NDST3: variants seen among roughly 807,000 people sequenced by gnomAD.
The protein encoded by NDST3 is N-deacetylase and N-sulfotransferase 3, also known as bifunctional heparan sulfate N-deacetylase/N-sulfotransferase 3.
In NDST3, 58 loss-of-function variants were observed where a neutral mutation model predicts 96.1. That is an observed-to-expected ratio of 0.60 (90% confidence interval 0.49 to 0.75). The LOEUF is 0.75. NDST3 is among the 30% of genes least tolerant of loss of function. NDST3 has a pLI of 0.00. For missense variants in NDST3, 788 were observed against 1,034.2 expected (o/e 0.76, Z 3.27); for synonymous variants, 333 against 359.7 (o/e 0.93, Z 0.84).
At chr4:118,095,701 A>G (rs767008091) in intron 2 of NDST3, among the ~76,000 whole-genome samples, 103 of 151,564 alleles carry the variant, frequency 6.8e-4, no homozygotes, top group Admixed American at 3.0e-3. Flanking sequence ...ATCACCCCAA[A>G]AGGAACCCAT....
chr4:118,175,287 TTTC>T (rs1236931536), intron 6 of NDST3, among the ~76,000 whole-genome samples: 1 of 152,144 alleles, frequency 6.6e-6, no homozygotes. Context: ...TTTCTTCTGA[TTTC>T]TTCTTTTCTC....
chr4:118,237,486 A>T (rs71608356), intron 10 of NDST3, among the ~76,000 whole-genome samples: 9,276 of 152,236 alleles, frequency 0.061, 382 homozygotes, highest in Non-Finnish European at 0.092. Flanking sequence ...ATAACAAAAT[A>T]TTATGTACTT....
intron 4 of NDST3, among the ~76,000 whole-genome samples, chr4:118,115,327 A>G (rs1403440132): frequency 6.6e-6 from 1 of 152,236 alleles, no homozygotes; most frequent in Non-Finnish European, 1.5e-5. Flanking sequence ...AGACCTAATG[A>G]CAAACCTTAC....
chr4:118,163,563 G>C (rs1340727049), intron 6 of NDST3, among the ~76,000 whole-genome samples: 2 of 151,976 alleles, frequency 1.3e-5, no homozygotes, highest in Admixed American at 1.3e-4. Flanking sequence ...AGAACACATG[G>C]ACACAGGAAG....
At chr4:118,071,272 T>C (rs187671947) in intron 2 of NDST3, among the ~76,000 whole-genome samples, 1 of 152,206 alleles carries the variant, frequency 6.6e-6, no homozygotes, top group East Asian at 1.9e-4. Flanking sequence ...TTATAACTTT[T>C]ATTTCAGCTT....
chr4:118,208,251 GAGT>G (rs1738573247), intron 6 of NDST3, among the ~76,000 whole-genome samples: 1 of 144,186 alleles, frequency 6.9e-6, no homozygotes, highest in Non-Finnish European at 1.5e-5. Context: ...TTTATCCCCA[GAGT>G]TAGAAACTTC....
chr4:118,241,908 C>G (rs550126389), intron 11 of NDST3, 132 bp from the exon 12 acceptor site: 22 of 552,246 alleles, frequency 4.0e-5, no homozygotes, highest in Admixed American at 6.5e-5. Context: ...GACCTGGATT[C>G]TATCTAACAC....
intron 12 of NDST3, among the ~76,000 whole-genome samples, chr4:118,246,858 G>A (rs575179829): frequency 3.3e-5 from 5 of 152,166 alleles, no homozygotes; most frequent in East Asian, 1.9e-4. Flanking sequence ...CTTGACACGT[G>A]GGGATTATTA....
At chr4:118,209,981 T>C (rs530099863) in intron 6 of NDST3, among the ~76,000 whole-genome samples, 21 of 152,216 alleles carry the variant, frequency 1.4e-4, no homozygotes, top group African/African-American at 5.1e-4. Flanking sequence ...CATAAGACCA[T>C]TGTAATTACA....
intron 1 of NDST3, among the ~76,000 whole-genome samples, chr4:118,042,608 G>A (rs963226499): frequency 6.6e-6 from 1 of 152,048 alleles, no homozygotes; most frequent in Non-Finnish European, 1.5e-5. Flanking sequence ...CACTTTCAAG[G>A]ACATTCATTA....
At chr4:118,083,609 T>C (rs1275548324) in intron 2 of NDST3, among the ~76,000 whole-genome samples, 1 of 152,210 alleles carries the variant, frequency 6.6e-6, no homozygotes, top group Non-Finnish European at 1.5e-5. Flanking sequence ...TTTGTTGGTA[T>C]AGAGGCATTC....
intron 6 of NDST3, among the ~76,000 whole-genome samples, chr4:118,160,996 T>A (rs966558435): frequency 1.3e-5 from 2 of 152,144 alleles, no homozygotes; most frequent in Non-Finnish European, 2.9e-5. Flanking sequence ...CCCATCTTCG[T>A]GGTTTTATCT....
chr4:118,052,300 CAT>C (rs1274919890), intron 1 of NDST3, among the ~76,000 whole-genome samples: 1 of 152,022 alleles, frequency 6.6e-6, no homozygotes, highest in Non-Finnish European at 1.5e-5. Flanking sequence ...CAAAATACCA[CAT>C]GTTCTCACTT....
At chr4:118,210,687 A>C (rs1738728019) in intron 6 of NDST3, among the ~76,000 whole-genome samples, 2 of 151,366 alleles carry the variant, frequency 1.3e-5, no homozygotes, top group Non-Finnish European at 2.9e-5. Context: ...GAGGTAGGAG[A>C]ATCACTTGAA....
chr4:118,198,090 A>T (rs193146168), intron 6 of NDST3, among the ~76,000 whole-genome samples: 1 of 151,476 alleles, frequency 6.6e-6, no homozygotes, highest in Admixed American at 6.6e-5. Flanking sequence ...GAGCCACCAC[A>T]CCTGGCCTCA....
intron 2 of NDST3, among the ~76,000 whole-genome samples, chr4:118,089,016 G>A (rs796784307): frequency 6.6e-6 from 1 of 151,890 alleles, no homozygotes; most frequent in Admixed American, 6.6e-5. Flanking sequence ...CTCCTATCTG[G>A]AATTTGTGAT....
intron 2 of NDST3, among the ~76,000 whole-genome samples, chr4:118,072,481 T>A (rs1727164653): frequency 6.6e-6 from 1 of 152,128 alleles, no homozygotes; most frequent in African/African-American, 2.4e-5. Context: ...TTTTGGTTTG[T>A]GAATGGCTAT....
intron 6 of NDST3, among the ~76,000 whole-genome samples, chr4:118,157,941 G>A (rs139295087): frequency 6.6e-6 from 1 of 152,184 alleles, no homozygotes; most frequent in Non-Finnish European, 1.5e-5. Flanking sequence ...ACAAAAGTCT[G>A]CATGGAAAAT....
At chr4:118,187,338 TA>T (rs1737029090) in intron 6 of NDST3, among the ~76,000 whole-genome samples, 1 of 152,220 alleles carries the variant, frequency 6.6e-6, no homozygotes, top group Non-Finnish European at 1.5e-5. Flanking sequence ...TCATGAGGGA[TA>T]AATTTCTAAT....
Sources: allele counts gnomAD v4.1 joint callset (sites outside exome capture counted in the v4.1 genomes callset), GRCh38; gene constraint gnomAD v4.1.1; transcripts MANE v1.5; gene names NCBI Gene and HGNC (gene_info 2026-07-23, HGNC 2026-07-21).